The following LRRIQ1 variants were observed in gnomAD, a reference collection of about 807,000 sequenced individuals.
The protein encoded by LRRIQ1 is leucine-rich repeat- and IQ domain-containing protein 1.
In LRRIQ1, 210 loss-of-function variants were observed where a neutral mutation model predicts 211.9. That is an observed-to-expected ratio of 0.99 (90% CI 0.89 to 1.11). LRRIQ1 has a LOEUF of 1.11. Ranked by LOEUF, LRRIQ1 falls within the 50% of genes most tolerant of loss-of-function variation. The probability of loss-of-function intolerance (pLI) is 0.00; values close to 1 mark genes in which losing one functional copy is unlikely to be tolerated. For missense variants in LRRIQ1, 2,136 were observed against 1,939.5 expected, an observed-to-expected ratio of 1.10 and a Z score of -1.90; for synonymous variants, 699 against 650.1, an observed-to-expected ratio of 1.08 and a Z score of -1.14.
intron 15 of LRRIQ1, among the ~76,000 whole-genome samples, chr12:85,114,052 G>A (rs1360552613): frequency 6.6e-6 from 1 of 151,874 alleles, no homozygotes; most frequent in Admixed American, 6.6e-5. Context: ...AGTGACTCAA[G>A]TTCTGGGGCT....
chr12:85,152,497 T>G (rs1335318739), intron 20 of LRRIQ1, 128 bp downstream of exon 20: 11 of 534,210 alleles, frequency 2.1e-5, no homozygotes, highest in Non-Finnish European at 3.4e-5. Context: ...GCCTCTGACT[T>G]CCTCCTCATC....
intron 24 of LRRIQ1, among the ~76,000 whole-genome samples, chr12:85,198,635 T>C (rs535312677): frequency 1.3e-5 from 2 of 151,984 alleles, no homozygotes; most frequent in African/African-American, 4.8e-5. Context: ...TGGTGCTATC[T>C]CAGCTCACTG....
chr12:85,111,663 A>G (rs1421685361), intron 15 of LRRIQ1, among the ~76,000 whole-genome samples: 2 of 152,150 alleles, frequency 1.3e-5, no homozygotes, highest in African/African-American at 4.8e-5. Flanking sequence ...GGTTATAAAA[A>G]TGGTAGATTA....
chr12:85,099,575 C>T (rs1886183207), intron 13 of LRRIQ1, among the ~76,000 whole-genome samples: 1 of 151,748 alleles, frequency 6.6e-6, no homozygotes, highest in Admixed American at 6.6e-5. Flanking sequence ...CTGGCTAAAC[C>T]AAAGCAGGAG....
chr12:85,235,850 T>C (rs1158474791), intron 26 of LRRIQ1, among the ~76,000 whole-genome samples: 4 of 152,166 alleles, frequency 2.6e-5, no homozygotes, highest in African/African-American at 7.2e-5. Context: ...AAAATGTGTA[T>C]TGAGGATTAA....
intron 24 of LRRIQ1, among the ~76,000 whole-genome samples, chr12:85,212,736 A>C (rs896606207): frequency 1.3e-5 from 2 of 149,818 alleles, no homozygotes; most frequent in African/African-American, 4.9e-5. Context: ...TGTTCCATAA[A>C]TATATGGAAT....
Position 85,181,403 on chromosome 12 carries a change from C to A in LRRIQ1, c.4822+20689C>A, listed in dbSNP as rs574302776. Among the ~76,000 whole-genome samples, 5 of 151,752 alleles carry A rather than the reference C, an allele frequency of 3.3e-5. No homozygotes were observed. The South Asian group carries it at 1.0e-3, about 32-fold the overall frequency. On this transcript the variant is annotated intron_variant, in intron 24 of 26. Transcript: ENST00000393217. Reference sequence around the variant, plus strand: ...GATCTAATTTTTAACAATTTTGAGGCATTTATCAATATTATAGGGAAATAA... The same window carrying A: ...GATCTAATTTTTAACAATTTTGAGGAATTTATCAATATTATAGGGAAATAA...
At chr12:85,145,354 A>T (rs976475717) in intron 19 of LRRIQ1, among the ~76,000 whole-genome samples, 1 of 151,656 alleles carries the variant, frequency 6.6e-6, no homozygotes, top group Non-Finnish European at 1.5e-5. Context: ...CCTTAGATTG[A>T]TTTGTTGCCT....
At chr12:85,160,889 G>T (rs1890829996) in intron 24 of LRRIQ1, among the ~76,000 whole-genome samples, 175 bp downstream of exon 24, 1 of 151,874 alleles carries the variant, frequency 6.6e-6, no homozygotes, top group African/African-American at 2.4e-5. Flanking sequence ...CTAATTTAGT[G>T]TGCTGAAATA....
chr12:85,068,380 G>T (rs1007113523), intron 10 of LRRIQ1, among the ~76,000 whole-genome samples: 1 of 151,728 alleles, frequency 6.6e-6, no homozygotes, highest in East Asian at 2.0e-4. Context: ...TGTATATTTT[G>T]TTTTTTCTTC....
At chr12:85,260,129 TAAAAAA>T (rs34282611) in intron 1 of LRRIQ1, among the ~76,000 whole-genome samples, 9 of 115,598 alleles carry the variant, frequency 7.8e-5, no homozygotes, top group African/African-American at 1.6e-4. Flanking sequence ...TCATGTTGGT[TAAAAAA>T]AAAAAAAAAA....
At chr12:85,215,702 A>G (rs1894046111) in intron 24 of LRRIQ1, among the ~76,000 whole-genome samples, 2 of 152,158 alleles carry the variant, frequency 1.3e-5, no homozygotes, top group Non-Finnish European at 2.9e-5. Flanking sequence ...GTTGTTCTTA[A>G]TAGTCCCAAA....
At chr12:85,142,601 TCTC>T (rs1889618133) in intron 19 of LRRIQ1, among the ~76,000 whole-genome samples, 1 of 151,394 alleles carries the variant, frequency 6.6e-6, no homozygotes, top group Non-Finnish European at 1.5e-5. Flanking sequence ...GTGACCAAGA[TCTC>T]CTGCAACCGC....
intron 24 of LRRIQ1, among the ~76,000 whole-genome samples, chr12:85,180,787 T>C (rs1270318262): frequency 6.6e-6 from 1 of 151,966 alleles, no homozygotes; most frequent in East Asian, 1.9e-4. Context: ...ATGAAATGTG[T>C]TAAAATTTAG....
At chr12:85,142,458 T>A (rs551038829) in intron 19 of LRRIQ1, among the ~76,000 whole-genome samples, 5 of 151,598 alleles carry the variant, frequency 3.3e-5, no homozygotes, top group Non-Finnish European at 7.4e-5. Context: ...AGTTAACACA[T>A]TTTTATAGTG....
At chr12:85,205,848 A>G (rs991249811) in intron 24 of LRRIQ1, among the ~76,000 whole-genome samples, 3 of 152,182 alleles carry the variant, frequency 2.0e-5, no homozygotes, top group Non-Finnish European at 2.9e-5. Flanking sequence ...TTGGAAAGGC[A>G]GTTTTCAAGC....
chr12:85,136,616 T>A (rs141343205), intron 18 of LRRIQ1, among the ~76,000 whole-genome samples: 1 of 151,846 alleles, frequency 6.6e-6, no homozygotes, highest in Non-Finnish European at 1.5e-5. Context: ...GGCTGGCTGT[T>A]AACAAAGGTT....
intron 24 of LRRIQ1, among the ~76,000 whole-genome samples, chr12:85,196,480 T>G (rs1892919070): frequency 6.6e-6 from 1 of 151,800 alleles, no homozygotes; most frequent in Admixed American, 6.6e-5. Context: ...AAAACAGAGA[T>G]ATAGATCAAT....
At chr12:85,129,090 G>T (rs143009450) in intron 18 of LRRIQ1, among the ~76,000 whole-genome samples, 1 of 151,984 alleles carries the variant, frequency 6.6e-6, no homozygotes, top group South Asian at 2.1e-4. Flanking sequence ...TACCACTGGC[G>T]GTACCTTACC....
Sources: allele counts gnomAD v4.1 joint callset (sites outside exome capture counted in the v4.1 genomes callset), GRCh38; gene constraint gnomAD v4.1.1; transcripts MANE v1.5; gene names NCBI Gene and HGNC (gene_info 2026-07-23, HGNC 2026-07-21).